Variants in CFAP221 observed in about 807,000 individuals in gnomAD.
CFAP221 encodes the protein cilia and flagella associated protein 221.
CFAP221 carries 97 observed loss-of-function variants against 113.1 expected under a neutral mutation model. The observed-to-expected ratio is 0.86, with a 90% CI of 0.73 to 1.02. CFAP221 has a LOEUF of 1.02. Among genes scored for constraint, CFAP221 ranks in the 50% least tolerant of loss-of-function variants. CFAP221 has a pLI of 0.00. For synonymous variants in CFAP221, 331 were observed against 354.4 expected (o/e 0.93, Z 0.74); for missense variants, 1,025 against 1,013.4 (o/e 1.01, Z -0.16).
At chr2:119,646,620 A>G (rs1687827389) in intron 21 of CFAP221, among the ~76,000 whole-genome samples, 1 of 152,202 alleles carries the variant, frequency 6.6e-6, no homozygotes, top group Non-Finnish European at 1.5e-5. Flanking sequence ...ATTCAACCTG[A>G]GATTTGGTGG....
intron 6 of CFAP221, chr2:119,572,574 A>G: frequency 1.4e-6 from 1 of 701,238 alleles, no homozygotes; most frequent in Non-Finnish European, 2.6e-6. Context: ...CCAGATAACT[A>G]GTTGAAACTT....
At chr2:119,656,295 CG>C in intron 23 of CFAP221, 66 bp from the exon 24 acceptor site, 9 of 1,261,638 alleles carry the variant, frequency 7.1e-6, no homozygotes, top group Non-Finnish European at 1.0e-5. Context: ...GCACTGCTGG[CG>C]GGGGGTGATT....
chr2:119,572,662 G>A (rs1378089497), intron 6 of CFAP221: 5 of 671,232 alleles, frequency 7.4e-6, no homozygotes, highest in Non-Finnish European at 1.4e-5. Context: ...TAACCAATTG[G>A]TTAGCGTGCT....
intron 22 of CFAP221, among the ~76,000 whole-genome samples, chr2:119,650,292 G>A (rs938091780): frequency 1.3e-5 from 2 of 152,232 alleles, no homozygotes; most frequent in African/African-American, 4.8e-5. Context: ...CAATACCTGA[G>A]CTTCTAGAGC....
intron 6 of CFAP221, among the ~76,000 whole-genome samples, chr2:119,564,095 T>C (rs1037852662): frequency 3.3e-5 from 5 of 152,208 alleles, no homozygotes; most frequent in Non-Finnish European, 7.3e-5. Flanking sequence ...CAGGCAGCAC[T>C]GAGCAGGGGA....
intron 3 of CFAP221, among the ~76,000 whole-genome samples, chr2:119,557,950 C>T (rs1270294494): frequency 2.3e-5 from 3 of 129,594 alleles, no homozygotes; most frequent in Non-Finnish European, 4.8e-5. Flanking sequence ...CAGAGCAAGA[C>T]TCCGTCTCAA....
In CFAP221 at chr2:119,546,210, A is replaced by G; in HGVS notation, c.79A>G (p.Lys27Glu). 6.5e-7 allele frequency: 1 copy of G among 1,535,942 alleles called. No individual in the cohort carries two copies. ...TAATAATGCATCACCCCATCTCTTG[A>G]AGAACCTAGTGGAGGAGCCGAAAAA... is the stretch of plus-strand genomic sequence containing the variant. ...PFNNASPHLL[K>E]NLVEEPKKRK... Residue 27 changes from lysine (K) to glutamate (E), a missense_variant, in exon 2 of 24, where the codon AAG (lysine) becomes GAG (glutamate). By Grantham distance (56) the Lys-to-Glu change is moderately conservative. Transcript: ENST00000413369.
At chr2:119,603,662 G>A (rs1417624202) in intron 8 of CFAP221, among the ~76,000 whole-genome samples, 2 of 152,106 alleles carry the variant, frequency 1.3e-5, no homozygotes, top group African/African-American at 2.4e-5. Context: ...TCCACACATC[G>A]TTGCTTAAAG....
At chr2:119,566,744 G>C (rs1681669817) in intron 6 of CFAP221, among the ~76,000 whole-genome samples, 1 of 152,146 alleles carries the variant, frequency 6.6e-6, no homozygotes, top group Non-Finnish European at 1.5e-5. Flanking sequence ...ACCCCACTCA[G>C]AGGCAACTCC....
chr2:119,659,261 T>C (rs763689716), downstream of CFAP221, among the ~76,000 whole-genome samples: 14 of 152,216 alleles, frequency 9.2e-5, no homozygotes, highest in African/African-American at 1.4e-4. Flanking sequence ...CTTTTTACTT[T>C]GGCTTTATAG....
At chr2:119,623,402 G>C (rs1329403619) in intron 14 of CFAP221, among the ~76,000 whole-genome samples, 2 of 152,152 alleles carry the variant, frequency 1.3e-5, no homozygotes, top group Non-Finnish European at 2.9e-5. Flanking sequence ...CCATGCTCAT[G>C]GATAGGAAGA....
chr2:119,627,715 T>C lies in CFAP221; in HGVS notation c.1579T>C (p.Ser527Pro). 1 of 1,614,026 alleles carries C rather than the reference T, an allele frequency of 6.2e-7. No homozygotes were observed. The highest frequency in any genetic ancestry group is 8.5e-7 in the Non-Finnish European group (1 of 1,179,996). Residue 527 changes from serine to proline, a missense_variant, in exon 16 of 24, where the codon TCT becomes CCT. Ser to Pro is a moderately conservative substitution (Grantham distance 74, BLOSUM62 -1). Transcript: ENST00000413369. ...ISQDDYTSRFSVSPKEVLPFA... is the reference protein window; with the variant it reads ...ISQDDYTSRFPVSPKEVLPFA... ...TCAGGATGATTATACCAGCCGGTTC[T>C]CTGTGTCGCCCAAGGAGGTGCTGCC...
rs192826304 is a variant in CFAP221, at chr2:119,646,129, A to G, written c.2226-829A>G. Reference sequence around the variant, plus strand: ...TAAAGCTCTAAAGTTATAATACTAAACAATACACAAGGAGGTGGGGAGGAA... The same window carrying G: ...TAAAGCTCTAAAGTTATAATACTAAGCAATACACAAGGAGGTGGGGAGGAA... On this transcript the variant is annotated intron_variant, in intron 21 of 23. Coordinates refer to ENST00000413369, the MANE Select transcript of CFAP221 (RefSeq NM_001271049.2). Among the ~76,000 whole-genome samples the G allele has an allele frequency of 8.8e-4, 134 of 152,322 alleles. 2 individuals carry two copies. Among genetic ancestry groups the G allele is most frequent in the African/African-American group, 2.8e-3 (117 of 41,570 alleles).
chr2:119,624,332 G>T (rs960476069), intron 14 of CFAP221, among the ~76,000 whole-genome samples: 2 of 151,848 alleles, frequency 1.3e-5, no homozygotes, highest in Admixed American at 1.3e-4. Context: ...ACCATCTCAC[G>T]CCAGTTAGAA....
intron 1 of CFAP221, 49 bp from the exon 2 acceptor site, chr2:119,546,036 T>A: frequency 7.7e-7 from 1 of 1,295,422 alleles, no homozygotes; most frequent in Non-Finnish European, 1.0e-6. Flanking sequence ...AGAGAAAAAA[T>A]GTGCGTGGTT....
chr2:119,641,318 A>G (rs1162684220), intron 21 of CFAP221, among the ~76,000 whole-genome samples: 1 of 152,188 alleles, frequency 6.6e-6, no homozygotes, highest in Non-Finnish European at 1.5e-5. Flanking sequence ...CAAGAGCTCA[A>G]AAATATGCTT....
chr2:119,604,721 C>A lies in CFAP221; in HGVS notation c.841C>A (p.Pro281Thr). ...LNTLSKKVNVPPEKAMMHINF... is the reference protein window; with the variant it reads ...LNTLSKKVNVTPEKAMMHINF... ...TACCCTTTCTAAGAAAGTAAACGTTCCTCCAGAAAAAGCAATGATGCATAT... is the reference window on the plus strand; with the variant it reads ...TACCCTTTCTAAGAAAGTAAACGTTACTCCAGAAAAAGCAATGATGCATAT... The change falls in exon 9 of 24, where the codon CCT becomes ACT. Residue 281 changes from proline to threonine, a missense_variant. Pro to Thr is a conservative substitution (Grantham distance 38). Coordinates refer to ENST00000413369, the MANE Select transcript of CFAP221 (RefSeq NM_001271049.2). The A allele has an allele frequency of 6.5e-7, 1 of 1,549,222 alleles. No individual in the cohort carries two copies. Among genetic ancestry groups the A allele is most frequent in the Non-Finnish European group, 8.7e-7 (1 of 1,152,910 alleles).
intron 7 of CFAP221, among the ~76,000 whole-genome samples, chr2:119,597,138 T>C (rs1468111402): frequency 3.3e-5 from 5 of 152,372 alleles, no homozygotes; most frequent in South Asian, 2.1e-4. Flanking sequence ...GCCACATTTA[T>C]AGGACACACA....
At chr2:119,658,826 C>G (rs533561589), downstream of CFAP221, among the ~76,000 whole-genome samples, 12 of 151,584 alleles carry the variant, frequency 7.9e-5, no homozygotes, top group Non-Finnish European at 1.5e-4. Flanking sequence ...ACTAAAAATA[C>G]AAAAATACAG....
Sources: allele counts gnomAD v4.1 joint callset (sites outside exome capture counted in the v4.1 genomes callset), GRCh38; gene constraint gnomAD v4.1.1; transcripts MANE v1.5; gene names NCBI Gene and HGNC (gene_info 2026-07-23, HGNC 2026-07-21).